The following PLEKHG5 variants were observed in gnomAD, a reference collection of about 807,000 sequenced individuals.
PLEKHG5 encodes the protein pleckstrin homology and RhoGEF domain containing G5.
PLEKHG5 carries 52 observed loss-of-function variants against 103.8 expected under a neutral mutation model. The observed-to-expected ratio is 0.50, with a 90% confidence interval of 0.40 to 0.63. The LOEUF (loss-of-function observed/expected upper bound fraction) is 0.63, where lower values mean the gene tolerates loss of function less well. Among genes scored for constraint, PLEKHG5 ranks in the 30% least tolerant of loss-of-function variants. PLEKHG5 has a pLI of 0.00. For missense variants in PLEKHG5, 1,205 were observed against 1,347.6 expected, an observed-to-expected ratio of 0.89 and a Z score of 1.66; for synonymous variants, 592 against 575.5, an observed-to-expected ratio of 1.03 and a Z score of -0.41.
intron 1 of PLEKHG5, among the ~76,000 whole-genome samples, chr1:6,489,681 G>C (rs987076823): frequency 2.0e-5 from 3 of 152,204 alleles, no homozygotes; most frequent in Non-Finnish European, 2.9e-5. Context: ...GCGGGGGAAA[G>C]AGGGCACCTG....
chr1:6,482,034 C>T (rs540065635), intron 1 of PLEKHG5, among the ~76,000 whole-genome samples: 1 of 152,176 alleles, frequency 6.6e-6, no homozygotes, highest in East Asian at 1.9e-4. Flanking sequence ...GGGACACACT[C>T]CCTCAGGGCA....
At chr1:6,492,900 C>T (rs1161215010), upstream of PLEKHG5, among the ~76,000 whole-genome samples, 1 of 151,964 alleles carries the variant, frequency 6.6e-6, no homozygotes, top group Non-Finnish European at 1.5e-5. Flanking sequence ...CTGCCTCCCC[C>T]TCCTCCCGTC....
chr1:6,506,681 A>G (rs1331877080), intron 1 of PLEKHG5, among the ~76,000 whole-genome samples: 1 of 152,112 alleles, frequency 6.6e-6, no homozygotes, highest in Non-Finnish European at 1.5e-5. Flanking sequence ...AGATGATTCC[A>G]GCTCCTGCCT....
rs375084568 is a variant in PLEKHG5 at position 6,470,697 on chromosome 1, G to A, written c.1542+38C>T. On this transcript the variant is annotated intron_variant, in intron 14 of 20. Coordinates refer to ENST00000377728, the MANE Select transcript of PLEKHG5 (RefSeq NM_020631.6). ...CAGGGTCATGACGGAGCAGAGAGCCGCGCAGGGGGGACGGCTCCCGCTGGC... is the reference window on the plus strand; with the variant it reads ...CAGGGTCATGACGGAGCAGAGAGCCACGCAGGGGGGACGGCTCCCGCTGGC... 8 of 1,552,040 alleles carry A rather than the reference G, an allele frequency of 5.2e-6. No individual in the cohort carries two copies. The African/African-American group carries it at 6.8e-5, about 13-fold the overall frequency.
upstream of PLEKHG5, among the ~76,000 whole-genome samples, chr1:6,498,173 C>T (rs1042383559): frequency 1.3e-5 from 2 of 152,186 alleles, no homozygotes; most frequent in Non-Finnish European, 2.9e-5. Flanking sequence ...CCTGAGCCTG[C>T]CTCTGGACCC....
rs191208133 is a variant in PLEKHG5 at position 6,471,310 on chromosome 1, G to A, written c.1281+178C>T. 65 of 808,466 alleles carry A rather than the reference G, an allele frequency of 8.0e-5. No individual in the cohort carries two copies. The East Asian group carries it at 1.7e-3, about 22-fold the overall frequency. The allele number at this position is 808,466 out of a possible 1,614,324, so 50.1% of individuals were successfully genotyped here. On this transcript the variant is annotated intron_variant, in intron 12 of 20. Transcript: ENST00000377728. ...AGGGATCAGGGGTAGATGGTCAGGT[G>A]GAGGCTCAAACCCGGGCGACCGCCT...
intron 1 of PLEKHG5, among the ~76,000 whole-genome samples, chr1:6,511,241 C>T (rs964048333): frequency 2.0e-4 from 30 of 152,328 alleles, no homozygotes; most frequent in Non-Finnish European, 4.1e-4. Context: ...TCAACCAGGC[C>T]TCAGCCTTAG....
At chr1:6,483,972 A>C (rs939453078) in intron 1 of PLEKHG5, among the ~76,000 whole-genome samples, 2 of 152,192 alleles carry the variant, frequency 1.3e-5, no homozygotes, top group African/African-American at 4.8e-5. Context: ...TCCTAGTGCC[A>C]GCTGGGGCGG....
rs559303580 is a variant in PLEKHG5, at chr1:6,504,456, A to C, written c.-164-7887T>G. ...TACCTGCCTCTCCTGACAAGCAGCC[A>C]CATTCCCCCTCCTCCACAGTGGGGG... On this transcript the variant is annotated intron_variant, in intron 1 of 21. Transcript: ENST00000377740. 2.0e-5 allele frequency among the ~76,000 whole-genome samples: 3 copies of C among 152,066 alleles called. 1 individual carries two copies. Among genetic ancestry groups the C allele is most frequent in the South Asian group, 4.2e-4 (2 of 4,810 alleles).
At chr1:6,503,505 T>A (rs1035120974) in intron 1 of PLEKHG5, among the ~76,000 whole-genome samples, 1 of 151,290 alleles carries the variant, frequency 6.6e-6, no homozygotes, top group African/African-American at 2.4e-5. Context: ...CCTCCCGGGT[T>A]CAAGTGATTC....
intron 1 of PLEKHG5, among the ~76,000 whole-genome samples, chr1:6,517,130 A>AC (rs1638648608): frequency 6.9e-6 from 1 of 145,274 alleles, no homozygotes; most frequent in Non-Finnish European, 1.5e-5. Flanking sequence ...CACGCCTGAG[A>AC]CCCCATCTCT....
upstream of PLEKHG5, chr1:6,496,375 G>A: frequency 1.4e-6 from 1 of 733,820 alleles, no homozygotes; most frequent in Non-Finnish European, 2.3e-6. Context: ...CTTGAACCCA[G>A]CCCAGCCAGC....
chr1:6,515,653 C>T (rs1638592634), intron 1 of PLEKHG5, among the ~76,000 whole-genome samples: 1 of 151,750 alleles, frequency 6.6e-6, no homozygotes, highest in South Asian at 2.1e-4. Flanking sequence ...GAGCAAGACT[C>T]TGTCTCAGCA....
rs1345899009 is a variant in PLEKHG5 at position 6,490,247 on chromosome 1, CTG to C, written c.-88+1388_-88+1389del. Reference sequence around the variant, plus strand: ...TCCGAGCCGACCCACCCTAGAGACACTGTGATGGGGGCGGGAGCTTGAACCCA... The same window carrying C: ...TCCGAGCCGACCCACCCTAGAGACACTGATGGGGGCGGGAGCTTGAACCCA... On this transcript the variant is annotated intron_variant, in intron 1 of 20. Transcript: ENST00000377728. The surrounding 1 kb of genome is among the most constrained non-coding windows in gnomAD (Gnocchi z 8.0). 2.6e-5 allele frequency among the ~76,000 whole-genome samples: 4 copies of C among 152,178 alleles called. No homozygotes were observed. The highest frequency in any genetic ancestry group is 9.7e-5 in the African/African-American group (4 of 41,438).
chr1:6,513,508 G>C (rs2148638562), intron 1 of PLEKHG5, among the ~76,000 whole-genome samples: 2 of 152,368 alleles, frequency 1.3e-5, no homozygotes, highest in South Asian at 2.1e-4. Flanking sequence ...GGAAATGAAG[G>C]CTGTTCCTCG....
At chr1:6,485,542 G>A (rs1230923717) in intron 1 of PLEKHG5, 1 of 1,164,678 alleles carries the variant, frequency 8.6e-7, no homozygotes, top group Non-Finnish European at 1.1e-6. Context: ...GCCGAGCGCG[G>A]GGACCCCGGG....
chr1:6,512,788 G>A (rs1004254266), intron 1 of PLEKHG5, among the ~76,000 whole-genome samples: 1 of 152,164 alleles, frequency 6.6e-6, no homozygotes, highest in Non-Finnish European at 1.5e-5. Context: ...CGGGCTCCCC[G>A]GGTTCAAATC....
chr1:6,475,460 A>C lies in PLEKHG5; in HGVS notation c.210+2T>G, dbSNP rs553152893. The C allele has an allele frequency of 6.2e-7, 1 of 1,612,586 alleles. No homozygotes were observed. Among genetic ancestry groups the C allele is most frequent in the African/African-American group, 1.3e-5 (1 of 74,642 alleles). On this transcript the variant is annotated splice_donor_variant, in intron 4 of 20. Coordinates refer to ENST00000377728, the MANE Select transcript of PLEKHG5 (RefSeq NM_020631.6). LOFTEE classifies it high-confidence loss of function. ...ATCTGCCGGCTCTGGGGGGCTCCTC[A>C]CATCCGTGTGTCTCCTCCTTGCTTT... is the stretch of plus-strand genomic sequence containing the variant.
chr1:6,489,741 C>G (rs1645111469), intron 1 of PLEKHG5, among the ~76,000 whole-genome samples: 1 of 152,212 alleles, frequency 6.6e-6, no homozygotes, highest in Non-Finnish European at 1.5e-5. Flanking sequence ...CCACCCTTCC[C>G]CTACTGGGCC....
Sources: allele counts gnomAD v4.1 joint callset (sites outside exome capture counted in the v4.1 genomes callset), GRCh38; gene constraint gnomAD v4.1.1; non-coding constraint Gnocchi (gnomAD v3.1); transcripts MANE v1.5; gene names NCBI Gene and HGNC (gene_info 2026-07-23, HGNC 2026-07-21).